The following NOSTRIN variants were observed in gnomAD, a reference collection of about 807,000 sequenced individuals.
NOSTRIN encodes the protein BM247 homolog.
Under a neutral mutation model 59.0 loss-of-function variants are expected in NOSTRIN, and 63 were observed. The ratio of observed to expected loss-of-function variants is 1.07; its 90% CI spans 0.87 to 1.32. The LOEUF (loss-of-function observed/expected upper bound fraction) is 1.32, where lower values mean the gene tolerates loss of function less well. NOSTRIN is among the 40% of genes most tolerant of loss of function. NOSTRIN has a pLI of 0.00. For synonymous variants in NOSTRIN, 200 were observed against 165.4 expected (o/e 1.21, Z -1.61); for missense variants, 512 against 473.1 (o/e 1.08, Z -0.76).
chr2:168,846,854 T>C (rs1281037348), intron 8 of NOSTRIN, among the ~76,000 whole-genome samples: 1 of 152,174 alleles, frequency 6.6e-6, no homozygotes, highest in Admixed American at 6.5e-5. Flanking sequence ...GGCACTTGAG[T>C]AGTCCCACTC....
At chr2:168,825,535 C>G (rs1687011854) in intron 3 of NOSTRIN, among the ~76,000 whole-genome samples, 1 of 152,046 alleles carries the variant, frequency 6.6e-6, no homozygotes, top group African/African-American at 2.4e-5. Flanking sequence ...ATAATATGTG[C>G]TCTATTGTGT....
chr2:168,797,203 C>T (rs1685507815), upstream of NOSTRIN, among the ~76,000 whole-genome samples: 1 of 151,128 alleles, frequency 6.6e-6, no homozygotes, highest in Non-Finnish European at 1.5e-5. Flanking sequence ...GATCCTCCCA[C>T]CTCAGCCTCC....
chr2:168,824,821 G>C lies in NOSTRIN; in HGVS notation c.197+104G>C, dbSNP rs910207683. On this transcript the variant is annotated intron_variant, in intron 3 of 15. Transcript: ENST00000317647. ...AGACAGGGTCTTGCTCTGTTACCTG[G>C]GTTAGAGTGCAGTGGCACAATCACA... 4.5e-6 allele frequency: 3 copies of C among 663,098 alleles called. No homozygotes were observed. In the African/African-American group the frequency reaches 5.4e-5, roughly 12 times the overall value. The allele number at this position is 663,098 out of a possible 1,614,324, so 41.1% of individuals were successfully genotyped here.
intron 1 of NOSTRIN, 58 bp downstream of exon 1, chr2:168,802,731 G>A: frequency 1.2e-6 from 1 of 849,650 alleles, no homozygotes; most frequent in Non-Finnish European, 2.0e-6. Flanking sequence ...GGGTGGATTT[G>A]TATATTAATG....
intron 5 of NOSTRIN, among the ~76,000 whole-genome samples, chr2:168,830,595 T>G (rs1442581054): frequency 1.3e-5 from 2 of 152,248 alleles, no homozygotes; most frequent in African/African-American, 2.4e-5. Flanking sequence ...GGAAAAACAT[T>G]CTGCTGTAAC....
chr2:168,840,731 G>T (rs1688047216), intron 7 of NOSTRIN, among the ~76,000 whole-genome samples: 1 of 152,044 alleles, frequency 6.6e-6, no homozygotes, highest in Non-Finnish European at 1.5e-5. Context: ...CATTTTAACA[G>T]CCTTTGTCTC....
Position 168,844,343 on chromosome 2 carries a change from A to G in NOSTRIN, c.630+1226A>G, listed in dbSNP as rs987616615. Reference sequence around the variant, plus strand: ...AATTAAATAACTATCAATTCTGGAGAGTAAGAACATGAATATTTTGGTTTT... The same window carrying G: ...AATTAAATAACTATCAATTCTGGAGGGTAAGAACATGAATATTTTGGTTTT... On this transcript the variant is annotated intron_variant, in intron 8 of 15. Coordinates refer to ENST00000317647, the MANE Select transcript of NOSTRIN (RefSeq NM_001039724.4). Among the ~76,000 whole-genome samples the G allele has an allele frequency of 7.2e-5, 11 of 152,072 alleles. No individual in the cohort carries two copies. In the East Asian group the frequency reaches 2.1e-3, roughly 29 times the overall value.
At chr2:168,822,172 G>A (rs1307509380) in intron 2 of NOSTRIN, among the ~76,000 whole-genome samples, 2 of 152,194 alleles carry the variant, frequency 1.3e-5, no homozygotes, top group African/African-American at 2.4e-5. Flanking sequence ...TAAGTGCGAT[G>A]AGATATTTAT....
chr2:168,813,803 T>A (rs1686270046), intron 2 of NOSTRIN, among the ~76,000 whole-genome samples: 3 of 152,186 alleles, frequency 2.0e-5, no homozygotes, highest in Admixed American at 2.0e-4. Flanking sequence ...ATATTTTACC[T>A]AGATCAAAAA....
chr2:168,834,406 G>T, intron 7 of NOSTRIN, 81 bp downstream of exon 7: 1 of 742,556 alleles, frequency 1.3e-6, no homozygotes. Context: ...ACAAGAGAAC[G>T]GGTTGATTCC....
At chr2:168,863,754 CATACTT>C in intron 15 of NOSTRIN, 1 of 684,680 alleles carries the variant, frequency 1.5e-6, no homozygotes. Context: ...GTTGGTGAGA[CATACTT>C]ATAGCAGCCA....
At chr2:168,825,634 A>G (rs1687020172) in intron 3 of NOSTRIN, among the ~76,000 whole-genome samples, 1 of 152,210 alleles carries the variant, frequency 6.6e-6, no homozygotes, top group South Asian at 2.1e-4. Flanking sequence ...TTTTCAATAT[A>G]TTGCAGCACT....
chr2:168,809,248 T>C (rs1349246322), intron 1 of NOSTRIN, among the ~76,000 whole-genome samples: 2 of 152,196 alleles, frequency 1.3e-5, no homozygotes, highest in African/African-American at 4.8e-5. Context: ...CTTAATGCAT[T>C]ATGTCCAATC....
chr2:168,829,647 T>A (rs1687257697), intron 5 of NOSTRIN, among the ~76,000 whole-genome samples: 1 of 152,236 alleles, frequency 6.6e-6, no homozygotes, highest in African/African-American at 2.4e-5. Flanking sequence ...GTGTTCCTTT[T>A]TCTTTTTCGT....
chr2:168,821,187 G>A (rs2105595016), intron 2 of NOSTRIN, among the ~76,000 whole-genome samples: 1 of 152,320 alleles, frequency 6.6e-6, no homozygotes, highest in East Asian at 1.9e-4. Flanking sequence ...AGAATACAAT[G>A]CTGGAAAGAA....
At chr2:168,862,754 A>ACCTT (rs2105800618) in intron 15 of NOSTRIN, among the ~76,000 whole-genome samples, 1 of 123,160 alleles carries the variant, frequency 8.1e-6, no homozygotes, top group African/African-American at 2.5e-5. Flanking sequence ...TCCAGCCTCA[A>ACCTT]CCTTCTTTAT....
rs1428209165 is a variant in NOSTRIN at position 168,865,043 on chromosome 2, G to C, written c.*73G>C. 6.6e-7 allele frequency: 1 copy of C among 1,509,224 alleles called. No individual in the cohort carries two copies. Among genetic ancestry groups the C allele is most frequent in the Non-Finnish European group, 9.0e-7 (1 of 1,108,156 alleles). The allele number at this position is 1,509,224 out of a possible 1,614,324, so 93.5% of individuals were successfully genotyped here. The stretch of plus-strand genomic sequence containing the variant: ...AGTGTGGTTCAAATAAGAATAAAGT[G>C]CTCTTACCTTTACATGTTTTTCTTT... On this transcript the variant is annotated 3_prime_UTR_variant, in exon 16 of 16. Transcript: ENST00000317647.
intron 5 of NOSTRIN, among the ~76,000 whole-genome samples, chr2:168,829,131 A>G (rs1236436939): frequency 6.6e-6 from 1 of 152,222 alleles, no homozygotes. Context: ...AATAATGAGT[A>G]CAATCCTCAA....
At chr2:168,857,307 C>A (rs1689187782) in intron 12 of NOSTRIN, among the ~76,000 whole-genome samples, 1 of 152,188 alleles carries the variant, frequency 6.6e-6, no homozygotes, top group South Asian at 2.1e-4. Flanking sequence ...ATTTTCCATT[C>A]ATCCCTCTGC....
Sources: gnomAD v4.1 joint callset for allele counts (sites outside exome capture counted in the v4.1 genomes callset) on GRCh38, gnomAD v4.1.1 for gene constraint, MANE v1.5 for transcripts, NCBI Gene and HGNC (gene_info 2026-07-23, HGNC 2026-07-21) for gene names.